BCR: variants seen among roughly 807,000 people sequenced by gnomAD.
BCR encodes the protein breakpoint cluster region protein.
A neutral mutation model predicts 138.6 loss-of-function variants in BCR; 58 were observed. The ratio of observed to expected loss-of-function variants is 0.42; its 90% CI spans 0.34 to 0.52. The LOEUF (loss-of-function observed/expected upper bound fraction) is 0.52. BCR is among the 20% of genes least tolerant of loss of function. The pLI is 0.06. For synonymous variants in BCR, 786 were observed against 730.1 expected (o/e 1.08, Z -1.23); for missense variants, 1,599 against 1,727.2 (o/e 0.93, Z 1.32).
chr22:23,282,052 C>T (rs2073652396), intron 8 of BCR, among the ~76,000 whole-genome samples: 1 of 152,200 alleles, frequency 6.6e-6, no homozygotes, highest in Non-Finnish European at 1.5e-5. Flanking sequence ...AGGCTGCCAT[C>T]CAGCCCCGCC....
chr22:23,196,928 T>C (rs769991630), intron 1 of BCR, among the ~76,000 whole-genome samples: 8 of 152,132 alleles, frequency 5.3e-5, no homozygotes, highest in Non-Finnish European at 1.2e-4. Context: ...GGCCCGGGGG[T>C]TGGGGACCCC....
At chr22:23,264,219 C>T in intron 4 of BCR, 1 of 1,105,324 alleles carries the variant, frequency 9.0e-7, no homozygotes, top group South Asian at 1.2e-5. Context: ...GTGGGACCGG[C>T]ACCAAAGGGC....
Position 23,181,359 on chromosome 22 carries a change from G to T in BCR, c.399G>T (p.Arg133Ser), listed in dbSNP as rs2072255606. 2.6e-6 allele frequency: 4 copies of T among 1,517,942 alleles called. No homozygotes were observed. The highest frequency in any genetic ancestry group is 3.5e-6 in the Non-Finnish European group (4 of 1,139,450). 94.0% of individuals were successfully genotyped at this position (1,517,942 alleles called of 1,614,324 possible). The change falls in exon 1 of 23, where the codon AGG (arginine) becomes AGT (serine). Residue 133 changes from arginine (R) to serine (S), a missense_variant. Transcript: ENST00000305877. Reference protein sequence around the residue: ...PGKARPGTARRPGAAASGERD... With the variant: ...PGKARPGTARSPGAAASGERD... ...AGGCCAGGCCCGGGACCGCCCGCAGGCCCGGGGCAGCCGCGTCGGGGGAAC... is the reference window on the plus strand; with the variant it reads ...AGGCCAGGCCCGGGACCGCCCGCAGTCCCGGGGCAGCCGCGTCGGGGGAAC...
At chr22:23,185,942 T>G (rs1008169406) in intron 1 of BCR, among the ~76,000 whole-genome samples, 2 of 152,012 alleles carry the variant, frequency 1.3e-5, no homozygotes, top group African/African-American at 4.8e-5. Flanking sequence ...TGTTAGCCAG[T>G]ATGGCCTCGA....
chr22:23,211,471 T>G (rs1302212564), intron 1 of BCR, among the ~76,000 whole-genome samples: 1 of 151,266 alleles, frequency 6.6e-6, no homozygotes, highest in Non-Finnish European at 1.5e-5. Context: ...GTGCTGGGAT[T>G]ACAGACGTGA....
intron 4 of BCR, among the ~76,000 whole-genome samples, chr22:23,266,751 G>A (rs762893152): frequency 2.0e-5 from 3 of 152,230 alleles, no homozygotes; most frequent in Non-Finnish European, 2.9e-5. Context: ...ATAGCCTCAC[G>A]TTCTGCGTAA....
intron 8 of BCR, among the ~76,000 whole-genome samples, chr22:23,282,790 C>CT (rs1050627230): frequency 5.9e-5 from 9 of 152,236 alleles, no homozygotes; most frequent in African/African-American, 2.2e-4. Context: ...CCTTCTGACT[C>CT]TCAGTGCAGG....
intron 14 of BCR, chr22:23,290,855 C>G: frequency 4.7e-6 from 1 of 214,514 alleles, no homozygotes; most frequent in South Asian, 8.2e-5. Flanking sequence ...GTGGGGGTCT[C>G]CCCCAGCTAC....
At chr22:23,187,657 C>G (rs1243720422) in intron 1 of BCR, among the ~76,000 whole-genome samples, 1 of 151,986 alleles carries the variant, frequency 6.6e-6, no homozygotes, top group African/African-American at 2.4e-5. Context: ...TTTTTTCCCC[C>G]ATTGAGACAT....
chr22:23,249,126 G>A (rs2073190739), intron 1 of BCR, among the ~76,000 whole-genome samples: 1 of 152,016 alleles, frequency 6.6e-6, no homozygotes, highest in Non-Finnish European at 1.5e-5. Context: ...CTCAAAAAAT[G>A]TTTTTAAAAA....
intron 15 of BCR, 102 bp downstream of exon 15, chr22:23,292,740 C>A: frequency 2.1e-6 from 2 of 968,188 alleles, no homozygotes; most frequent in Non-Finnish European, 3.1e-6. Flanking sequence ...AGGGCTTCCC[C>A]CGAAGGCAGT....
chr22:23,264,240 A>T, intron 4 of BCR: 2 of 995,520 alleles, frequency 2.0e-6, no homozygotes, highest in Non-Finnish European at 3.2e-6. Context: ...CTGCCCGCAC[A>T]CCTTCCCGCT....
At chr22:23,298,996 A>G (rs1015835801) in intron 16 of BCR, among the ~76,000 whole-genome samples, 24 of 151,188 alleles carry the variant, frequency 1.6e-4, no homozygotes, top group African/African-American at 5.8e-4. Flanking sequence ...CCCCTCTCCA[A>G]GGCTGTTTTT....
chr22:23,288,371 T>A lies in BCR; in HGVS notation c.2602+199T>A, dbSNP rs139950821. ...GCCCTCTTGTTCCCCTGCCAGCCTA[T>A]CCTGCCCCCATCACCTGGGCACTCA... is the stretch of plus-strand genomic sequence containing the variant. On this transcript the variant is annotated intron_variant, in intron 12 of 22. Transcript: ENST00000305877. Among the ~76,000 whole-genome samples, 4 of 152,066 alleles carry A rather than the reference T, an allele frequency of 2.6e-5. No homozygotes were observed. In the East Asian group the frequency reaches 7.7e-4, roughly 29 times the overall value.
chr22:23,200,008 A>AACTCGGG (rs1319564899), intron 1 of BCR, among the ~76,000 whole-genome samples: 9 of 151,950 alleles, frequency 5.9e-5, no homozygotes, highest in Non-Finnish European at 1.0e-4. Flanking sequence ...GAATGGCATG[A>AACTCGGG]ACTCGGGAGG....
intron 1 of BCR, among the ~76,000 whole-genome samples, chr22:23,243,991 C>A (rs1368389655): frequency 6.6e-6 from 1 of 152,152 alleles, no homozygotes; most frequent in Non-Finnish European, 1.5e-5. Context: ...ACCCCATCTC[C>A]ACTCCCAGCT....
intron 16 of BCR, among the ~76,000 whole-genome samples, chr22:23,305,704 G>T (rs966603702): frequency 1.3e-5 from 2 of 152,146 alleles, no homozygotes; most frequent in Non-Finnish European, 2.9e-5. Flanking sequence ...TTCTTTCAAG[G>T]CTCCTGCCTT....
chr22:23,238,371 C>T (rs932568837), intron 1 of BCR, among the ~76,000 whole-genome samples: 6 of 152,102 alleles, frequency 3.9e-5, no homozygotes, highest in South Asian at 4.1e-4. Flanking sequence ...TGCCACCTCC[C>T]GGTCTGTTCC....
intron 5 of BCR, among the ~76,000 whole-genome samples, chr22:23,269,334 G>A (rs903694230): frequency 1.3e-5 from 2 of 152,230 alleles, no homozygotes; most frequent in Non-Finnish European, 1.5e-5. Flanking sequence ...CCATCTCGCT[G>A]TAGCTTTGCC....
Sources: gnomAD v4.1 joint callset for allele counts (sites outside exome capture counted in the v4.1 genomes callset) on GRCh38, gnomAD v4.1.1 for gene constraint, MANE v1.5 for transcripts, NCBI Gene and HGNC (gene_info 2026-07-23, HGNC 2026-07-21) for gene names.